Variants in KIF26B observed in about 807,000 individuals in gnomAD.
The protein encoded by KIF26B is kinesin family member 26B, also known as kinesin-like protein KIF26B.
In KIF26B, 63 loss-of-function variants were observed where a neutral mutation model predicts 151.2. The observed-to-expected ratio is 0.42, with a 90% CI of 0.34 to 0.51. The LOEUF (loss-of-function observed/expected upper bound fraction) is 0.51, where lower values mean the gene tolerates loss of function less well. Ranked by LOEUF, KIF26B falls within the 20% of genes least tolerant of loss-of-function variation. The pLI, the probability that KIF26B is intolerant of heterozygous loss-of-function variation, is 0.07. For missense variants in KIF26B, 2,813 were observed against 2,913.6 expected, an observed-to-expected ratio of 0.97 and a Z score of 0.79; for synonymous variants, 1,357 against 1,262.1, an observed-to-expected ratio of 1.08 and a Z score of -1.59.
At chr1:245,252,078 C>T (rs992396257) in intron 2 of KIF26B, among the ~76,000 whole-genome samples, 8 of 151,688 alleles carry the variant, frequency 5.3e-5, no homozygotes, top group African/African-American at 1.2e-4. Context: ...GTCTGGGCAA[C>T]GTGGTAAAAA....
At position 245,244,191 on chromosome 1, in the gene KIF26B, A is replaced by G. The variant is rs966802869; in HGVS notation, c.465+87508A>G. On this transcript the variant is annotated intron_variant, in intron 2 of 14. Coordinates refer to ENST00000407071, the MANE Select transcript of KIF26B (RefSeq NM_018012.4). The surrounding 1 kb of genome is among the most constrained non-coding windows in gnomAD (Gnocchi z 4.2). Reference sequence around the variant, plus strand: ...AGGCTGATCTCGAACTCCTGGCCTCAAGCAATCTTTCCACCTTAGCCTCCC... The same window carrying G: ...AGGCTGATCTCGAACTCCTGGCCTCGAGCAATCTTTCCACCTTAGCCTCCC... Among the ~76,000 whole-genome samples the G allele has an allele frequency of 8.5e-5, 13 of 152,072 alleles. No homozygotes were observed. Among genetic ancestry groups the G allele is most frequent in the Admixed American group, 2.6e-4 (4 of 15,262 alleles).
chr1:245,504,666 C>T (rs1265254597), intron 4 of KIF26B, among the ~76,000 whole-genome samples: 1 of 151,950 alleles, frequency 6.6e-6, no homozygotes, highest in East Asian at 2.0e-4. Flanking sequence ...GTCTCGAACT[C>T]CTTGCCTCAA....
intron 4 of KIF26B, among the ~76,000 whole-genome samples, chr1:245,477,035 T>C (rs935359350): frequency 1.3e-5 from 2 of 151,636 alleles, no homozygotes; most frequent in Non-Finnish European, 3.0e-5. Context: ...GTGTGGGAGA[T>C]GATATTTCTA....
chr1:245,427,011 G>A (rs1658663772), intron 4 of KIF26B, among the ~76,000 whole-genome samples: 1 of 152,208 alleles, frequency 6.6e-6, no homozygotes, highest in Non-Finnish European at 1.5e-5. Context: ...GAGAAGGATG[G>A]GAAGGAGCGT....
intron 9 of KIF26B, among the ~76,000 whole-genome samples, chr1:245,616,190 A>G (rs1309208759): frequency 6.6e-6 from 1 of 152,238 alleles, no homozygotes; most frequent in African/African-American, 2.4e-5. Context: ...TCAAAATAGA[A>G]AAGTCTTTGT....
At chr1:245,287,494 C>CTTTTTTTTTTTTTTTTTTTTT (rs1157634485) in intron 2 of KIF26B, among the ~76,000 whole-genome samples, 1 of 113,170 alleles carries the variant, frequency 8.8e-6, no homozygotes. Context: ...TCATCTCTCT[C>CTTTTTTTTTTTTTTTTTTTTT]TCTCTTTTTT....
chr1:245,187,864 G>T (rs1239694692), intron 2 of KIF26B, among the ~76,000 whole-genome samples: 1 of 152,190 alleles, frequency 6.6e-6, no homozygotes, highest in African/African-American at 2.4e-5. Flanking sequence ...TGGAATTCAT[G>T]TTTTTGAGCT....
At chr1:245,549,731 T>A (rs750217572) in intron 5 of KIF26B, among the ~76,000 whole-genome samples, 1 of 152,194 alleles carries the variant, frequency 6.6e-6, no homozygotes, top group Non-Finnish European at 1.5e-5. Context: ...CCCTTTCTAA[T>A]GCCTCATTGA....
chr1:245,476,515 TTTATTTATTTATTTAC>T (rs1230883348), intron 4 of KIF26B, among the ~76,000 whole-genome samples: 10 of 126,990 alleles, frequency 7.9e-5, no homozygotes, highest in South Asian at 3.0e-4. Flanking sequence ...TATTTATTTA[TTTATTTATTTATTTAC>T]TTACTTACTT....
rs192002585 is a variant in KIF26B at position 245,394,075 on chromosome 1, G to A, written c.1000-25504G>A. On this transcript the variant is annotated intron_variant, in intron 3 of 14. Transcript: ENST00000407071. ...CTTTTGGGGGTTTTGAGGTCTGAAC[G>A]GTGTTGTTTGCAGCTTTGCCTATCA... Among the ~76,000 whole-genome samples the A allele has an allele frequency of 1.8e-3, 275 of 152,276 alleles. 2 individuals carry two copies. The highest frequency in any genetic ancestry group is 6.1e-3 in the African/African-American group (254 of 41,546).
chr1:245,170,419 G>A lies in KIF26B; in HGVS notation c.465+13736G>A, dbSNP rs527286173. Among the ~76,000 whole-genome samples, 75 of 152,306 alleles carry A rather than the reference G, an allele frequency of 4.9e-4. No homozygotes were observed. Among genetic ancestry groups the A allele is most frequent in the African/African-American group, 1.7e-3 (70 of 41,556 alleles). ...AGACATGTGGGAATGCTCACTGGATGCTTACAATTGGTTCCAGGTGTTCCA... is the reference window on the plus strand; with the variant it reads ...AGACATGTGGGAATGCTCACTGGATACTTACAATTGGTTCCAGGTGTTCCA... On this transcript the variant is annotated intron_variant, in intron 2 of 14. Coordinates refer to ENST00000407071, the MANE Select transcript of KIF26B (RefSeq NM_018012.4). This position sits in a 1 kb window ranked among gnomAD's most constrained non-coding sequence, Gnocchi z 4.4.
At chr1:245,681,213 CTTT>C (rs71674433) in intron 10 of KIF26B, among the ~76,000 whole-genome samples, 22 of 141,280 alleles carry the variant, frequency 1.6e-4, no homozygotes, top group Admixed American at 1.4e-4. Context: ...GTTTTCTTTT[CTTT>C]TTTTTTTTTT....
chr1:245,272,614 G>A (rs1670872654), intron 2 of KIF26B, among the ~76,000 whole-genome samples: 1 of 151,366 alleles, frequency 6.6e-6, no homozygotes, highest in Non-Finnish European at 1.5e-5. Flanking sequence ...ATAAAGTTGG[G>A]TTGTTTATTT....
chr1:245,607,878 A>G (rs2043473682), intron 7 of KIF26B, 134 bp downstream of exon 7: 1 of 662,666 alleles, frequency 1.5e-6, no homozygotes, highest in Non-Finnish European at 2.6e-6. Context: ...TGAATAACCA[A>G]TAACAAGTTA....
intron 5 of KIF26B, among the ~76,000 whole-genome samples, chr1:245,589,327 T>C (rs2043261170): frequency 6.6e-6 from 1 of 152,164 alleles, no homozygotes; most frequent in South Asian, 2.1e-4. Context: ...ACGCCTTCTT[T>C]TCACCACCAG....
intron 2 of KIF26B, among the ~76,000 whole-genome samples, chr1:245,335,405 A>G (rs1487010283): frequency 2.6e-5 from 4 of 152,146 alleles, no homozygotes; most frequent in South Asian, 4.1e-4. Flanking sequence ...AGTGCCAAAC[A>G]TGACAGACCA....
chr1:245,530,405 A>G (rs1226619363), intron 4 of KIF26B, among the ~76,000 whole-genome samples: 1 of 152,250 alleles, frequency 6.6e-6, no homozygotes, highest in African/African-American at 2.4e-5. Flanking sequence ...AGCACTATTC[A>G]CAATAGTCAA....
intron 2 of KIF26B, among the ~76,000 whole-genome samples, chr1:245,267,570 T>C (rs1463262668): frequency 6.6e-6 from 1 of 151,558 alleles, no homozygotes; most frequent in African/African-American, 2.4e-5. Flanking sequence ...GTGATAGCTC[T>C]GCTCAGCCAC....
In KIF26B at chr1:245,495,864, A is replaced by G. The variant is rs1358862781; in HGVS notation, c.1167-44903A>G. Among the ~76,000 whole-genome samples, 2 of 152,258 alleles carry G rather than the reference A, an allele frequency of 1.3e-5. No homozygotes were observed. Among genetic ancestry groups the G allele is most frequent in the East Asian group, 3.8e-4 (2 of 5,204 alleles). On this transcript the variant is annotated intron_variant, in intron 4 of 14. Transcript: ENST00000407071. The surrounding 1 kb of genome is among the most constrained non-coding windows in gnomAD (Gnocchi z 4.2). The stretch of plus-strand genomic sequence containing the variant: ...ATTTTTAAAGGAGCAACACTAAGAC[A>G]GTAACTCATTTCTCAACAGAAACAA...
Sources: gnomAD v4.1 joint callset for allele counts (sites outside exome capture counted in the v4.1 genomes callset) on GRCh38, gnomAD v4.1.1 for gene constraint, Gnocchi (gnomAD v3.1) non-coding constraint, MANE v1.5 for transcripts, NCBI Gene and HGNC (gene_info 2026-07-23, HGNC 2026-07-21) for gene names.